OSTM1: variants seen among roughly 807,000 people sequenced by gnomAD.
The protein encoded by OSTM1 is osteopetrosis-associated transmembrane protein 1.
A neutral mutation model predicts 35.4 loss-of-function variants in OSTM1; 26 were observed. That is an observed-to-expected ratio of 0.73 (90% CI 0.54 to 1.02). OSTM1 has a LOEUF of 1.02. Ranked by LOEUF, OSTM1 falls within the 50% of genes least tolerant of loss-of-function variation. The pLI is 0.00. For missense variants in OSTM1, 366 were observed against 409.6 expected, an observed-to-expected ratio of 0.89 and a Z score of 0.92; for synonymous variants, 181 against 165.0, an observed-to-expected ratio of 1.10 and a Z score of -0.75.
intron 2 of OSTM1, among the ~76,000 whole-genome samples, chr6:108,059,436 G>GA (rs1483913399): frequency 6.6e-6 from 1 of 152,128 alleles, no homozygotes. Context: ...ATTCTGAGAA[G>GA]AAAAGGGATG....
chr6:108,074,260 C>G lies in OSTM1; in HGVS notation c.392G>C (p.Arg131Pro). 7 of 1,612,258 alleles carry G rather than the reference C, an allele frequency of 4.3e-6. No individual in the cohort carries two copies. The highest frequency in any genetic ancestry group is 5.1e-6 in the Non-Finnish European group (6 of 1,179,948). The stretch of plus-strand genomic sequence containing the variant: ...TGGTCCTGTACCCACCCCCGCGGCT[C>G]GGCTGATGTTGTCCATCTTGCTGAC... ...QVVSKMDNISRAAGNTSESQS... is the reference protein window; with the variant it reads ...QVVSKMDNISPAAGNTSESQS... Residue 131 changes from arginine (R) to proline (P), a missense_variant, in exon 1 of 6, where the codon CGA (arginine) becomes CCA (proline). Physicochemically the swap from Arg to Pro is moderately radical, Grantham distance 103. Transcript: ENST00000193322.
At chr6:108,069,239 T>A (rs1772439094) in intron 1 of OSTM1, among the ~76,000 whole-genome samples, 1 of 152,232 alleles carries the variant, frequency 6.6e-6, no homozygotes, top group Non-Finnish European at 1.5e-5. Flanking sequence ...TCATGCTATA[T>A]CCCTAGTAGC....
chr6:108,054,815 A>C (rs1401582462), intron 2 of OSTM1, among the ~76,000 whole-genome samples: 1 of 152,244 alleles, frequency 6.6e-6, no homozygotes, highest in Non-Finnish European at 1.5e-5. Flanking sequence ...CTTTTCATAA[A>C]AATATACCAA....
At chr6:108,050,838 G>C (rs1772063399) in intron 4 of OSTM1, among the ~76,000 whole-genome samples, 193 bp downstream of exon 4, 1 of 152,116 alleles carries the variant, frequency 6.6e-6, no homozygotes, top group Non-Finnish European at 1.5e-5. Context: ...TCCTAACCAT[G>C]AGACTACTAA....
chr6:108,072,969 C>T (rs150029029), intron 1 of OSTM1, among the ~76,000 whole-genome samples: 156 of 152,170 alleles, frequency 1.0e-3, no homozygotes, highest in African/African-American at 3.7e-3. Context: ...CCACCACGCC[C>T]GGATAATTTT....
At chr6:108,072,828 G>A (rs915237129) in intron 1 of OSTM1, among the ~76,000 whole-genome samples, 3 of 151,894 alleles carry the variant, frequency 2.0e-5, no homozygotes, top group African/African-American at 7.3e-5. Flanking sequence ...TGCAATCTTG[G>A]CTCACCCCAA....
intron 1 of OSTM1, 46 bp downstream of exon 1, chr6:108,074,204 T>C: frequency 6.3e-7 from 1 of 1,597,140 alleles, no homozygotes; most frequent in East Asian, 2.2e-5. Flanking sequence ...CCTCCTCCTT[T>C]CCCAACTCTC....
At position 108,048,860 on chromosome 6, in the gene OSTM1, T is replaced by C. The variant is rs1391914131; in HGVS notation, c.949+393A>G. ...TCCGCCTCCCAAGTTCAAATGATTC[T>C]CCTGCCTCAGCCTCCCGAGTAGCTG... On this transcript the variant is annotated intron_variant, in intron 5 of 5. Coordinates refer to ENST00000193322, the MANE Select transcript of OSTM1 (RefSeq NM_014028.4). Among the ~76,000 whole-genome samples, 3 of 151,032 alleles carry C rather than the reference T, an allele frequency of 2.0e-5. No homozygotes were observed. In the East Asian group the frequency reaches 5.9e-4, roughly 30 times the overall value.
At chr6:108,069,573 A>C (rs1357215936) in intron 1 of OSTM1, among the ~76,000 whole-genome samples, 1 of 152,216 alleles carries the variant, frequency 6.6e-6, no homozygotes, top group African/African-American at 2.4e-5. Flanking sequence ...AATAGGACAG[A>C]GCCTACCAAT....
chr6:108,049,157 C>T (rs1478490859), intron 5 of OSTM1, 96 bp downstream of exon 5: 2 of 800,684 alleles, frequency 2.5e-6, no homozygotes, highest in Non-Finnish European at 4.2e-6. Flanking sequence ...GGCTAATCTA[C>T]TTTGAGTTCT....
In OSTM1 at chr6:108,051,020, A is replaced by C; in HGVS notation, c.783+11T>G. The C allele has an allele frequency of 6.2e-7, 1 of 1,603,076 alleles. No homozygotes were observed. Among genetic ancestry groups the C allele is most frequent in the Non-Finnish European group, 8.5e-7 (1 of 1,170,214 alleles). Reference sequence around the variant, plus strand: ...CTAAAATATGTATCACATCAGAAGCAAAGTACTTACTGCATCTTCCACATC... The same window carrying C: ...CTAAAATATGTATCACATCAGAAGCCAAGTACTTACTGCATCTTCCACATC... On this transcript the variant is annotated intron_variant, in intron 4 of 5. Coordinates refer to ENST00000193322, the MANE Select transcript of OSTM1 (RefSeq NM_014028.4).
At chr6:108,071,178 ACT>A (rs1238254908) in intron 1 of OSTM1, among the ~76,000 whole-genome samples, 1 of 151,254 alleles carries the variant, frequency 6.6e-6, no homozygotes, top group Non-Finnish European at 1.5e-5. Context: ...ACAGAGCAAG[ACT>A]CTGTCTCAAA....
chr6:108,046,650 C>G (rs1771980667), intron 5 of OSTM1, among the ~76,000 whole-genome samples: 1 of 152,108 alleles, frequency 6.6e-6, no homozygotes, highest in Non-Finnish European at 1.5e-5. Context: ...CGGCCTGTCT[C>G]TGGTTTCTAT....
Position 108,065,239 on chromosome 6 carries a change from C to CTT in OSTM1, c.403-942_403-941dup, listed in dbSNP as rs11300140. 3.6e-4 allele frequency among the ~76,000 whole-genome samples: 51 copies of CTT among 140,416 alleles called. 1 individual carries two copies. Among genetic ancestry groups the CTT allele is most frequent in the Non-Finnish European group, 6.5e-4 (42 of 64,700 alleles). 92.1% of individuals were successfully genotyped at this position (140,416 alleles called of 152,430 possible). ...CATAGAAGAAAATTTTCTATTATCACTTTTTTTTTTTTTTTTTTGAGATGG... is the reference window on the plus strand; with the variant it reads ...CATAGAAGAAAATTTTCTATTATCACTTTTTTTTTTTTTTTTTTTTGAGATGG... On this transcript the variant is annotated intron_variant, in intron 1 of 5. Transcript: ENST00000193322.
chr6:108,068,833 CAA>C (rs1407627783), intron 1 of OSTM1, among the ~76,000 whole-genome samples: 1 of 152,154 alleles, frequency 6.6e-6, no homozygotes, highest in African/African-American at 2.4e-5. Flanking sequence ...GCTTTAAAAT[CAA>C]AGTCTAAAAT....
At chr6:108,073,024 A>G (rs1472199584) in intron 1 of OSTM1, among the ~76,000 whole-genome samples, 3 of 152,156 alleles carry the variant, frequency 2.0e-5, no homozygotes, top group Non-Finnish European at 4.4e-5. Context: ...TGGCCACGCT[A>G]GTCTCCAACT....
intron 1 of OSTM1, among the ~76,000 whole-genome samples, chr6:108,066,608 T>C (rs1005696073): frequency 1.3e-5 from 2 of 152,134 alleles, no homozygotes; most frequent in Non-Finnish European, 2.9e-5. Context: ...CTAACAAGAA[T>C]GAATTTGATG....
chr6:108,048,749 C>CTTTTTTTTTTTTTTTTTTTT, intron 5 of OSTM1, among the ~76,000 whole-genome samples: 1 of 111,786 alleles, frequency 8.9e-6, no homozygotes, highest in Non-Finnish European at 1.8e-5. Context: ...TGTGTTTTAA[C>CTTTTTTTTTTTTTTTTTTTT]TTTTTTTTTT....
intron 1 of OSTM1, among the ~76,000 whole-genome samples, chr6:108,066,223 T>C (rs1219153074): frequency 6.6e-6 from 1 of 152,054 alleles, no homozygotes; most frequent in Admixed American, 6.6e-5. Flanking sequence ...GGCCGTGATA[T>C]GTAGGGTGAG....
Sources: allele counts gnomAD v4.1 joint callset (sites outside exome capture counted in the v4.1 genomes callset), GRCh38; gene constraint gnomAD v4.1.1; transcripts MANE v1.5; gene names NCBI Gene and HGNC (gene_info 2026-07-23, HGNC 2026-07-21).